SNTB1: variants seen among roughly 807,000 people sequenced by gnomAD.
The protein encoded by SNTB1 is beta-1-syntrophin.
Under a neutral mutation model 48.9 loss-of-function variants are expected in SNTB1, and 36 were observed. The observed-to-expected ratio is 0.74, with a 90% CI of 0.56 to 0.97. SNTB1 has a LOEUF of 0.97. Among genes scored for constraint, SNTB1 ranks in the 50% least tolerant of loss-of-function variants. The pLI, the probability that SNTB1 is intolerant of heterozygous loss-of-function variation, is 0.00. For missense variants in SNTB1, 786 were observed against 703.4 expected (o/e 1.12, Z -1.33); for synonymous variants, 299 against 294.6 (o/e 1.01, Z -0.15).
At chr8:120,550,731 T>C (rs1211273507) in intron 4 of SNTB1, among the ~76,000 whole-genome samples, 1 of 152,034 alleles carries the variant, frequency 6.6e-6, no homozygotes, top group Non-Finnish European at 1.5e-5. Flanking sequence ...CAAGAGTCAC[T>C]GAGAAGCTGC....
At chr8:120,606,423 G>C (rs1259887597) in intron 3 of SNTB1, among the ~76,000 whole-genome samples, 1 of 140,308 alleles carries the variant, frequency 7.1e-6, no homozygotes, top group Non-Finnish European at 1.5e-5. Context: ...GTGTGTGTGT[G>C]TGTGTGTGTG....
chr8:120,690,738 T>C (rs1321490472), intron 2 of SNTB1, among the ~76,000 whole-genome samples: 1 of 152,258 alleles, frequency 6.6e-6, no homozygotes, highest in Non-Finnish European at 1.5e-5. Flanking sequence ...AGTTGGGTTT[T>C]GCAGATTCCA....
intron 3 of SNTB1, among the ~76,000 whole-genome samples, chr8:120,622,747 A>T (rs1816813337): frequency 6.6e-6 from 1 of 151,432 alleles, no homozygotes; most frequent in South Asian, 2.1e-4. Flanking sequence ...TACCTAAAGG[A>T]ATCCCTGCTG....
intron 1 of SNTB1, among the ~76,000 whole-genome samples, chr8:120,800,268 T>G (rs930192199): frequency 1.3e-5 from 2 of 151,956 alleles, no homozygotes; most frequent in Non-Finnish European, 2.9e-5. Context: ...ACCTAGACAA[T>G]TAGTGATTTA....
chr8:120,630,478 T>C (rs1816961278), intron 3 of SNTB1, among the ~76,000 whole-genome samples: 1 of 152,218 alleles, frequency 6.6e-6, no homozygotes, highest in African/African-American at 2.4e-5. Context: ...ACCTTGGCTA[T>C]ACCTTATAAA....
intron 2 of SNTB1, among the ~76,000 whole-genome samples, chr8:120,687,652 C>G (rs1818055880): frequency 6.6e-6 from 1 of 152,216 alleles, no homozygotes; most frequent in African/African-American, 2.4e-5. Context: ...CTTATCTACT[C>G]AGAAAGAGTG....
intron 3 of SNTB1, among the ~76,000 whole-genome samples, chr8:120,618,970 T>A (rs186141151): frequency 2.0e-5 from 3 of 152,248 alleles, no homozygotes; most frequent in Non-Finnish European, 4.4e-5. Context: ...ATGTTTAAGG[T>A]TCTAGTTTGT....
chr8:120,650,197 G>C lies in SNTB1; in HGVS notation c.789-17546C>G, dbSNP rs934357192. Among the ~76,000 whole-genome samples the C allele has an allele frequency of 6.5e-4, 99 of 151,924 alleles. 1 individual carries two copies. Among genetic ancestry groups the C allele is most frequent in the Admixed American group, 1.8e-3 (28 of 15,250 alleles). On this transcript the variant is annotated intron_variant, in intron 2 of 6. Transcript: ENST00000517992. The stretch of plus-strand genomic sequence containing the variant: ...TCGGCCATCTTGGCTCTGGTTCCCG[G>C]AAATCATCCTTTTTAACTAAGCTTT...
At chr8:120,709,728 A>T (rs1818433524) in intron 1 of SNTB1, among the ~76,000 whole-genome samples, 1 of 152,128 alleles carries the variant, frequency 6.6e-6, no homozygotes, top group South Asian at 2.1e-4. Context: ...GTGTTGGGAA[A>T]GTCTGCCTTT....
chr8:120,766,127 G>C (rs779383368), intron 1 of SNTB1, among the ~76,000 whole-genome samples: 3 of 152,012 alleles, frequency 2.0e-5, no homozygotes, highest in Non-Finnish European at 2.9e-5. Context: ...ACAAGAAGAG[G>C]GTTCTCACTC....
At chr8:120,724,722 A>G (rs1158794559) in intron 1 of SNTB1, among the ~76,000 whole-genome samples, 1 of 152,204 alleles carries the variant, frequency 6.6e-6, no homozygotes, top group Non-Finnish European at 1.5e-5. Context: ...TTTTAGCTAG[A>G]GAGGAAGGAA....
intron 1 of SNTB1, among the ~76,000 whole-genome samples, chr8:120,761,778 G>A (rs951005695): frequency 6.6e-6 from 1 of 152,086 alleles, no homozygotes; most frequent in African/African-American, 2.4e-5. Context: ...TTACACTATG[G>A]TACAAGTTCT....
At chr8:120,754,463 A>G (rs972348114) in intron 1 of SNTB1, among the ~76,000 whole-genome samples, 1 of 152,102 alleles carries the variant, frequency 6.6e-6, no homozygotes, top group Non-Finnish European at 1.5e-5. Context: ...CAACCTGGGC[A>G]ACAGAGTGAG....
chr8:120,810,054 A>G (rs1210945112), intron 1 of SNTB1, among the ~76,000 whole-genome samples: 1 of 152,188 alleles, frequency 6.6e-6, no homozygotes, highest in Non-Finnish European at 1.5e-5. Flanking sequence ...ATCAATCACC[A>G]TATTACAAGG....
At chr8:120,545,444 G>A (rs1203579663) in intron 5 of SNTB1, among the ~76,000 whole-genome samples, 1 of 152,142 alleles carries the variant, frequency 6.6e-6, no homozygotes, top group African/African-American at 2.4e-5. Context: ...AGAACCACCT[G>A]GAATCTTGTT....
chr8:120,545,110 G>A (rs567439696), intron 5 of SNTB1, among the ~76,000 whole-genome samples: 2 of 152,216 alleles, frequency 1.3e-5, no homozygotes, highest in South Asian at 2.1e-4. Flanking sequence ...TTGGGAGGCC[G>A]AGGTGGGTGG....
chr8:120,610,352 G>A (rs1468124448), intron 3 of SNTB1, among the ~76,000 whole-genome samples: 7 of 152,088 alleles, frequency 4.6e-5, no homozygotes. Context: ...GGCCAGTCTG[G>A]TCTCGAACTC....
At chr8:120,725,412 T>G (rs1157199016) in intron 1 of SNTB1, among the ~76,000 whole-genome samples, 2 of 152,178 alleles carry the variant, frequency 1.3e-5, no homozygotes, top group Non-Finnish European at 2.9e-5. Flanking sequence ...TACCTGCACC[T>G]AGGTCCTTGT....
chr8:120,583,515 ACACACACACAC>A (rs1816082782), intron 3 of SNTB1, among the ~76,000 whole-genome samples: 2 of 390 alleles, frequency 5.1e-3, no homozygotes, highest in Admixed American at 0.11. Context: ...CCGTCTCAAA[ACACACACACAC>A]ACACACACAC....
Sources: gnomAD v4.1 joint callset for allele counts (sites outside exome capture counted in the v4.1 genomes callset) on GRCh38, gnomAD v4.1.1 for gene constraint, MANE v1.5 for transcripts, NCBI Gene and HGNC (gene_info 2026-07-23, HGNC 2026-07-21) for gene names.